KCNH1: variants seen among roughly 807,000 people sequenced by gnomAD.
KCNH1 encodes voltage-gated delayed rectifier potassium channel KCNH1.
Under a neutral mutation model 69.2 loss-of-function variants are expected in KCNH1, and 27 were observed. That is an observed-to-expected ratio of 0.39 (90% CI 0.29 to 0.54). KCNH1 has a LOEUF of 0.54. Among genes scored for constraint, KCNH1 ranks in the 20% least tolerant of loss-of-function variants. The probability of loss-of-function intolerance (pLI) is 0.68; values close to 1 mark genes in which losing one functional copy is unlikely to be tolerated. For synonymous variants in KCNH1, 456 were observed against 487.7 expected (o/e 0.93, Z 0.86); for missense variants, 798 against 1,261.6 (o/e 0.63, Z 5.57).
intron 7 of KCNH1, among the ~76,000 whole-genome samples, chr1:210,863,892 T>C (rs1209777409): frequency 6.6e-6 from 1 of 152,162 alleles, no homozygotes; most frequent in African/African-American, 2.4e-5. Flanking sequence ...CCCTGTCATG[T>C]AGAAAGGCCT....
At chr1:210,736,547 T>A (rs2358113) in intron 10 of KCNH1, among the ~76,000 whole-genome samples, 5 of 148,640 alleles carry the variant, frequency 3.4e-5, no homozygotes, top group South Asian at 4.3e-4. Context: ...CCATCCCCCC[T>A]CCAAAAAAAA....
intron 4 of KCNH1, among the ~76,000 whole-genome samples, chr1:211,085,226 AT>A (rs1232797015): frequency 6.6e-6 from 1 of 152,210 alleles, no homozygotes; most frequent in Non-Finnish European, 1.5e-5. Flanking sequence ...GACATTCTGA[AT>A]GGCTGGATAA....
chr1:210,760,080 T>A (rs1683486201), intron 10 of KCNH1, among the ~76,000 whole-genome samples: 1 of 152,076 alleles, frequency 6.6e-6, no homozygotes, highest in East Asian at 1.9e-4. Context: ...AACAGTTTCA[T>A]CCTGAAACCA....
chr1:210,946,559 A>G (rs1440705283), intron 6 of KCNH1, among the ~76,000 whole-genome samples: 3 of 152,194 alleles, frequency 2.0e-5, no homozygotes, highest in Non-Finnish European at 4.4e-5. Context: ...TGAGGCATCA[A>G]CAACAGCCCT....
At chr1:210,791,399 C>A (rs908427030) in intron 9 of KCNH1, among the ~76,000 whole-genome samples, 1 of 152,194 alleles carries the variant, frequency 6.6e-6, no homozygotes, top group Non-Finnish European at 1.5e-5. Context: ...GCATGATGCA[C>A]AAGTTTCCCA....
intron 7 of KCNH1, among the ~76,000 whole-genome samples, chr1:210,905,636 C>T (rs752411572): frequency 5.3e-5 from 8 of 151,536 alleles, no homozygotes; most frequent in Non-Finnish European, 1.0e-4. Flanking sequence ...TTGTGAGCAT[C>T]GTGTCTTTCA....
chr1:210,681,326 G>A lies in KCNH1; in HGVS notation c.*1955C>T, dbSNP rs1681260204. ...CACAGATAGTTGTGACTCGGCCTTA[G>A]GAAATTAGACTTCCTCTTACTTGTA... On this transcript the variant is annotated 3_prime_UTR_variant, in exon 11 of 11. Coordinates refer to ENST00000271751, the MANE Select transcript of KCNH1 (RefSeq NM_172362.3). 1 of 152,204 alleles carries A rather than the reference G, an allele frequency of 6.6e-6. No individual in the cohort carries two copies. The allele number at this position is 152,204 out of a possible 1,614,324, so 9.4% of individuals were successfully genotyped here.
At chr1:210,718,691 CAT>C (rs1395718455) in intron 10 of KCNH1, among the ~76,000 whole-genome samples, 32 of 109,538 alleles carry the variant, frequency 2.9e-4, no homozygotes, top group South Asian at 8.0e-4. Context: ...CACACACACA[CAT>C]ATATATATAC....
At chr1:210,788,736 G>C (rs1438370351) in intron 9 of KCNH1, among the ~76,000 whole-genome samples, 1 of 108,692 alleles carries the variant, frequency 9.2e-6, no homozygotes, top group Non-Finnish European at 1.7e-5. Flanking sequence ...TCGCTCTGTC[G>C]CCCAGGCTGG....
intron 10 of KCNH1, among the ~76,000 whole-genome samples, chr1:210,692,670 A>G (rs1681551095): frequency 1.3e-5 from 2 of 152,182 alleles, no homozygotes; most frequent in Admixed American, 6.5e-5. Context: ...AGAGACAGGG[A>G]AAAATGCAGA....
intron 5 of KCNH1, among the ~76,000 whole-genome samples, chr1:211,064,279 G>A (rs1356856680): frequency 1.3e-5 from 2 of 152,176 alleles, no homozygotes; most frequent in African/African-American, 4.8e-5. Context: ...CAAGTGAATT[G>A]GCCGGGCACG....
chr1:211,057,465 T>A (rs942974075), intron 5 of KCNH1, among the ~76,000 whole-genome samples: 1 of 151,572 alleles, frequency 6.6e-6, no homozygotes. Flanking sequence ...CAAAACCCCA[T>A]CTCTACAAAA....
chr1:210,993,463 C>G (rs12126937), intron 6 of KCNH1, among the ~76,000 whole-genome samples: 8,912 of 152,222 alleles, frequency 0.059, 330 homozygotes, highest in East Asian at 0.18. Flanking sequence ...GCTTCCTACT[C>G]TAGTTCTTAC....
chr1:211,118,331 TTCTGAACTTA>T (rs965994888), intron 1 of KCNH1, among the ~76,000 whole-genome samples: 6 of 152,236 alleles, frequency 3.9e-5, no homozygotes, highest in Non-Finnish European at 7.3e-5. Flanking sequence ...AATTTGTATT[TTCTGAACTTA>T]TCAAGTCCTT....
chr1:211,012,229 T>C lies in KCNH1; in HGVS notation c.1032+6554A>G, dbSNP rs946075619. Among the ~76,000 whole-genome samples, 13 of 152,298 alleles carry C rather than the reference T, an allele frequency of 8.5e-5. No individual in the cohort carries two copies. In the East Asian group the frequency reaches 2.3e-3, roughly 27 times the overall value. ...CATTTTACTATCAGACATAATGACTTGTGAGAAATGTTGCTTTTACCCAGG... is the reference window on the plus strand; with the variant it reads ...CATTTTACTATCAGACATAATGACTCGTGAGAAATGTTGCTTTTACCCAGG... On this transcript the variant is annotated intron_variant, in intron 6 of 10. Transcript: ENST00000271751.
chr1:210,895,444 T>C (rs558107297), intron 7 of KCNH1, among the ~76,000 whole-genome samples: 2 of 152,276 alleles, frequency 1.3e-5, no homozygotes, highest in South Asian at 2.1e-4. Flanking sequence ...GAGTGGTCCA[T>C]TGGATATTTA....
chr1:210,900,028 A>C (rs1686960712), intron 7 of KCNH1, among the ~76,000 whole-genome samples: 1 of 152,226 alleles, frequency 6.6e-6, no homozygotes, highest in Non-Finnish European at 1.5e-5. Context: ...AATGAGTATA[A>C]TTCGTTAGTC....
intron 3 of KCNH1, among the ~76,000 whole-genome samples, chr1:211,102,731 T>C (rs191720948): frequency 2.0e-5 from 3 of 152,372 alleles, no homozygotes; most frequent in Admixed American, 1.3e-4. Flanking sequence ...GTTATCCTCA[T>C]GTGCCATAAG....
intron 7 of KCNH1, among the ~76,000 whole-genome samples, chr1:210,825,239 A>G (rs1195650734): frequency 6.6e-6 from 1 of 152,224 alleles, no homozygotes; most frequent in Non-Finnish European, 1.5e-5. Context: ...AGCTTGGAAT[A>G]CAATTGCACA....
Sources: gnomAD v4.1 joint callset for allele counts (sites outside exome capture counted in the v4.1 genomes callset) on GRCh38, gnomAD v4.1.1 for gene constraint, MANE v1.5 for transcripts, NCBI Gene and HGNC (gene_info 2026-07-23, HGNC 2026-07-21) for gene names.